The following SFMBT2 variants were observed in gnomAD, a reference collection of about 807,000 sequenced individuals.
SFMBT2 encodes Scm like with four mbt domains 2.
A neutral mutation model predicts 110.1 loss-of-function variants in SFMBT2; 38 were observed. The ratio of observed to expected loss-of-function variants is 0.35; its 90% CI spans 0.27 to 0.45. The LOEUF (loss-of-function observed/expected upper bound fraction) is 0.45, where lower values mean the gene tolerates loss of function less well. SFMBT2 is among the 20% of genes least tolerant of loss of function. SFMBT2 has a pLI of 1.00. For missense variants in SFMBT2, 1,011 were observed against 1,094.9 expected (o/e 0.92, Z 1.08); for synonymous variants, 425 against 425.4 (o/e 1.00, Z 0.01).
chr10:7,269,892 T>C (rs1266404829), intron 7 of SFMBT2, among the ~76,000 whole-genome samples: 1 of 151,218 alleles, frequency 6.6e-6, no homozygotes, highest in Non-Finnish European at 1.5e-5. Flanking sequence ...CATGCATCCA[T>C]ACCATTTCTC....
intron 7 of SFMBT2, among the ~76,000 whole-genome samples, chr10:7,272,951 C>A (rs1292763186): frequency 6.6e-6 from 1 of 152,188 alleles, no homozygotes; most frequent in Admixed American, 6.5e-5. Context: ...TGCCACCATG[C>A]CCGGCTAATT....
At chr10:7,292,780 G>A (rs1842297784) in intron 4 of SFMBT2, among the ~76,000 whole-genome samples, 1 of 152,154 alleles carries the variant, frequency 6.6e-6, no homozygotes, top group South Asian at 2.1e-4. Context: ...ACTTTAGGAG[G>A]CTGAGGCGGG....
chr10:7,211,451 C>T (rs1421382536), intron 11 of SFMBT2, among the ~76,000 whole-genome samples: 16 of 152,164 alleles, frequency 1.1e-4, no homozygotes, highest in Admixed American at 1.0e-3. Flanking sequence ...AGAGGCGATT[C>T]CCCGGCCTCT....
intron 16 of SFMBT2, among the ~76,000 whole-genome samples, chr10:7,184,608 GT>G (rs1838341467): frequency 6.6e-6 from 1 of 152,130 alleles, no homozygotes; most frequent in Non-Finnish European, 1.5e-5. Context: ...CAAAAACAGA[GT>G]GAAAAAGCCA....
At chr10:7,355,813 A>AAAAT (rs746843341) in intron 4 of SFMBT2, among the ~76,000 whole-genome samples, 20 of 152,152 alleles carry the variant, frequency 1.3e-4, no homozygotes, top group South Asian at 2.1e-4. Context: ...CTCTGTCTCA[A>AAAAT]AAATAAATAA....
chr10:7,331,560 A>G (rs1027392260), intron 4 of SFMBT2, among the ~76,000 whole-genome samples: 1 of 152,158 alleles, frequency 6.6e-6, no homozygotes, highest in African/African-American at 2.4e-5. Context: ...TCAGAAGAGC[A>G]CCTGTCTCCT....
intron 11 of SFMBT2, among the ~76,000 whole-genome samples, chr10:7,216,444 A>C (rs956787519): frequency 3.3e-5 from 5 of 152,018 alleles, no homozygotes; most frequent in Non-Finnish European, 5.9e-5. Flanking sequence ...GTAAGACGTG[A>C]TTTTCAGCTT....
chr10:7,351,545 T>C (rs962158989), intron 4 of SFMBT2, among the ~76,000 whole-genome samples: 1 of 152,182 alleles, frequency 6.6e-6, no homozygotes, highest in African/African-American at 2.4e-5. Flanking sequence ...TTTAATTAAG[T>C]GGTGGCATTA....
chr10:7,384,225 A>AC (rs1463261977), intron 1 of SFMBT2, among the ~76,000 whole-genome samples: 63 of 149,390 alleles, frequency 4.2e-4, no homozygotes, highest in Non-Finnish European at 1.0e-4. Flanking sequence ...AAAAAAAAAA[A>AC]AAAAAAAAAA....
At chr10:7,189,729 C>T (rs1172269794) in intron 15 of SFMBT2, among the ~76,000 whole-genome samples, 3 of 152,178 alleles carry the variant, frequency 2.0e-5, no homozygotes, top group Non-Finnish European at 4.4e-5. Context: ...GCAGGCCGTC[C>T]GGGTGCGGAA....
chr10:7,257,204 C>A (rs1021321629), intron 7 of SFMBT2, among the ~76,000 whole-genome samples: 5 of 152,138 alleles, frequency 3.3e-5, no homozygotes, highest in Middle Eastern at 3.4e-3. Flanking sequence ...GGACAAACTG[C>A]AATATCTTGG....
intron 16 of SFMBT2, among the ~76,000 whole-genome samples, chr10:7,184,749 T>C (rs939837871): frequency 6.6e-6 from 1 of 152,078 alleles, no homozygotes; most frequent in African/African-American, 2.4e-5. Flanking sequence ...CAGGCAGGGA[T>C]AGGGGTGTGG....
chr10:7,206,105 C>T, intron 11 of SFMBT2, 177 bp from the exon 12 acceptor site: 1 of 985,372 alleles, frequency 1.0e-6, no homozygotes, highest in African/African-American at 1.7e-5. Flanking sequence ...AGTCTTTAAT[C>T]TTATCAGAGA....
chr10:7,292,548 A>C (rs149853151), intron 4 of SFMBT2, among the ~76,000 whole-genome samples: 3 of 152,356 alleles, frequency 2.0e-5, no homozygotes, highest in African/African-American at 7.2e-5. Flanking sequence ...CCAGATGAAG[A>C]TATAACTTGT....
chr10:7,272,533 GC>G (rs200631993), intron 7 of SFMBT2, among the ~76,000 whole-genome samples: 1,592 of 152,178 alleles, frequency 0.01, 31 homozygotes, highest in African/African-American at 0.036. Context: ...GCAGTTAGAC[GC>G]CCCCCACAGC....
intron 4 of SFMBT2, among the ~76,000 whole-genome samples, chr10:7,357,225 G>C (rs1194920924): frequency 6.6e-6 from 1 of 152,040 alleles, no homozygotes; most frequent in Non-Finnish European, 1.5e-5. Flanking sequence ...CGCCTGGCAG[G>C]GTTAATTTTA....
chr10:7,338,555 G>A (rs139512081), intron 4 of SFMBT2, among the ~76,000 whole-genome samples: 40 of 152,238 alleles, frequency 2.6e-4, no homozygotes, highest in African/African-American at 8.7e-4. Flanking sequence ...TTCATTAAGC[G>A]GAAGTGGATC....
chr10:7,275,219 C>G (rs1351394472), intron 7 of SFMBT2, among the ~76,000 whole-genome samples: 2 of 152,230 alleles, frequency 1.3e-5, no homozygotes, highest in Non-Finnish European at 1.5e-5. Flanking sequence ...TGTAATTTCC[C>G]ATTGGCTCAC....
chr10:7,288,704 G>A (rs61834655), intron 4 of SFMBT2, among the ~76,000 whole-genome samples: 4 of 151,898 alleles, frequency 2.6e-5, no homozygotes, highest in African/African-American at 9.7e-5. Context: ...GTGCTTCTTC[G>A]TCATTAACTC....
Sources: gnomAD v4.1 joint callset for allele counts (sites outside exome capture counted in the v4.1 genomes callset) on GRCh38, gnomAD v4.1.1 for gene constraint, MANE v1.5 for transcripts, NCBI Gene and HGNC (gene_info 2026-07-23, HGNC 2026-07-21) for gene names.